PHYHIPL: variants seen among roughly 807,000 people sequenced by gnomAD.
PHYHIPL encodes the protein phytanoyl-CoA 2-hydroxylase interacting protein like, also known as phytanoyl-CoA hydroxylase-interacting protein-like.
In PHYHIPL, 9 loss-of-function variants were observed where a neutral mutation model predicts 33.4. The ratio of observed to expected loss-of-function variants is 0.27; its 90% CI spans 0.16 to 0.47. PHYHIPL has a LOEUF of 0.47. Among genes scored for constraint, PHYHIPL ranks in the 20% least tolerant of loss-of-function variants. The pLI is 0.99. For missense variants in PHYHIPL, 365 were observed against 460.7 expected, an observed-to-expected ratio of 0.79 and a Z score of 1.90; for synonymous variants, 153 against 154.1, an observed-to-expected ratio of 0.99 and a Z score of 0.05.
chr10:59,230,404 A>G (rs758751772), intron 1 of PHYHIPL, among the ~76,000 whole-genome samples: 13 of 151,750 alleles, frequency 8.6e-5, no homozygotes, highest in Non-Finnish European at 1.3e-4. Context: ...TTGTAGAAAC[A>G]GTGTTTCGCC....
chr10:59,206,784 C>A, intron 1 of PHYHIPL: 2 of 1,233,512 alleles, frequency 1.6e-6, no homozygotes, highest in Non-Finnish European at 2.1e-6. Flanking sequence ...TCCAAACAGA[C>A]AAGAAAAGGA....
intron 1 of PHYHIPL, among the ~76,000 whole-genome samples, chr10:59,184,309 A>G (rs1451586509): frequency 6.6e-6 from 1 of 152,222 alleles, no homozygotes; most frequent in Non-Finnish European, 1.5e-5. Context: ...CAGACCACAT[A>G]GCCCACAAAC....
chr10:59,219,404 T>A (rs998133808), intron 1 of PHYHIPL, among the ~76,000 whole-genome samples: 10 of 152,154 alleles, frequency 6.6e-5, no homozygotes, highest in African/African-American at 9.6e-5. Context: ...CAGGTAGGAA[T>A]AAATAAATTA....
intron 1 of PHYHIPL, among the ~76,000 whole-genome samples, chr10:59,226,314 A>T (rs946141335): frequency 6.6e-6 from 1 of 152,188 alleles, no homozygotes; most frequent in African/African-American, 2.4e-5. Context: ...GATGATATAC[A>T]TGGAGGACAG....
At chr10:59,239,354 C>T (rs1252824349) in intron 4 of PHYHIPL, among the ~76,000 whole-genome samples, 2 of 151,858 alleles carry the variant, frequency 1.3e-5, no homozygotes, top group East Asian at 1.9e-4. Context: ...GGAAACTCCC[C>T]TTTTAAAACC....
At chr10:59,229,511 AATAG>A (rs1207760777) in intron 1 of PHYHIPL, among the ~76,000 whole-genome samples, 3 of 152,292 alleles carry the variant, frequency 2.0e-5, no homozygotes, top group South Asian at 4.1e-4. Flanking sequence ...TCTACTACGG[AATAG>A]ATAATTTATA....
intron 1 of PHYHIPL, among the ~76,000 whole-genome samples, chr10:59,184,405 G>A (rs1173321844): frequency 6.6e-6 from 1 of 152,162 alleles, no homozygotes; most frequent in Admixed American, 6.5e-5. Context: ...AATCTCTCTT[G>A]ATAGGAGTAA....
chr10:59,187,934 A>G (rs965011054), intron 1 of PHYHIPL, among the ~76,000 whole-genome samples: 1 of 150,330 alleles, frequency 6.7e-6, no homozygotes, highest in Non-Finnish European at 1.5e-5. Flanking sequence ...ATTCATTGAT[A>G]TTTTGAAGGG....
At chr10:59,234,232 A>G (rs1840161558) in intron 1 of PHYHIPL, 72 bp from the exon 2 acceptor site, 1 of 1,203,650 alleles carries the variant, frequency 8.3e-7, no homozygotes, top group Non-Finnish European at 1.2e-6. Context: ...TTGGTAATAA[A>G]TCCATTAATT....
At chr10:59,235,348 G>T (rs1022331632) in intron 2 of PHYHIPL, among the ~76,000 whole-genome samples, 1 of 151,760 alleles carries the variant, frequency 6.6e-6, no homozygotes, top group Non-Finnish European at 1.5e-5. Flanking sequence ...TATCTATAGA[G>T]AAATTAACAG....
Position 59,238,596 on chromosome 10 carries a change from A to G in PHYHIPL, c.487A>G (p.Lys163Glu), listed in dbSNP as rs778021003. The stretch of plus-strand genomic sequence containing the variant: ...TTTTGGGTTTTTTCCAGACTATTCA[A>G]AAGTTCATCTAACACAATTGTTGGA... ...IIEFCTADYSKVHLTQLLEKA... is the reference protein window; with the variant it reads ...IIEFCTADYSEVHLTQLLEKA... Residue 163 changes from lysine (K) to glutamate (E), a missense_variant, in exon 4 of 5, where the codon AAA becomes GAA. Coordinates refer to ENST00000373880, the MANE Select transcript of PHYHIPL (RefSeq NM_032439.4). 1 of 1,604,302 alleles carries G rather than the reference A, an allele frequency of 6.2e-7. No individual in the cohort carries two copies. Among genetic ancestry groups the G allele is most frequent in the East Asian group, 2.2e-5 (1 of 44,704 alleles).
chr10:59,187,521 A>C (rs1296959008), intron 1 of PHYHIPL, among the ~76,000 whole-genome samples: 1 of 152,152 alleles, frequency 6.6e-6, no homozygotes, highest in Non-Finnish European at 1.5e-5. Context: ...TGTTGATGGA[A>C]ATAGTTTCAG....
chr10:59,224,069 C>A (rs1839852944), intron 1 of PHYHIPL, among the ~76,000 whole-genome samples: 1 of 152,120 alleles, frequency 6.6e-6, no homozygotes, highest in African/African-American at 2.4e-5. Context: ...TCTTCCAAGT[C>A]CATGGACTTT....
At chr10:59,191,751 T>C (rs749492807) in intron 1 of PHYHIPL, among the ~76,000 whole-genome samples, 2 of 152,030 alleles carry the variant, frequency 1.3e-5, no homozygotes, top group Non-Finnish European at 2.9e-5. Flanking sequence ...ACTTAATATA[T>C]CTTGAGTCAA....
intron 1 of PHYHIPL, among the ~76,000 whole-genome samples, chr10:59,199,175 T>C (rs1839019823): frequency 6.6e-6 from 1 of 152,172 alleles, no homozygotes; most frequent in Non-Finnish European, 1.5e-5. Context: ...TCTTCTAGGG[T>C]TTTTATGGTT....
intron 1 of PHYHIPL, among the ~76,000 whole-genome samples, chr10:59,213,075 G>T (rs984483895): frequency 6.6e-6 from 1 of 151,874 alleles, no homozygotes; most frequent in African/African-American, 2.4e-5. Flanking sequence ...TCTGTATATG[G>T]TTCCAAAATA....
At chr10:59,191,686 T>C (rs1838787839) in intron 1 of PHYHIPL, among the ~76,000 whole-genome samples, 1 of 151,974 alleles carries the variant, frequency 6.6e-6, no homozygotes, top group Admixed American at 6.6e-5. Context: ...TTGAACATAG[T>C]TGCCACTGTG....
At chr10:59,213,784 C>T (rs1162848802) in intron 1 of PHYHIPL, among the ~76,000 whole-genome samples, 1 of 152,156 alleles carries the variant, frequency 6.6e-6, no homozygotes, top group Non-Finnish European at 1.5e-5. Flanking sequence ...ACACCCACTA[C>T]AACATATCAG....
intron 1 of PHYHIPL, among the ~76,000 whole-genome samples, chr10:59,208,779 T>C (rs143489199): frequency 3.1e-4 from 47 of 152,028 alleles, no homozygotes; most frequent in Middle Eastern, 3.4e-3. Flanking sequence ...TTGTGAAGCA[T>C]ACACAAGTAT....
Sources: gnomAD v4.1 joint callset for allele counts (sites outside exome capture counted in the v4.1 genomes callset) on GRCh38, gnomAD v4.1.1 for gene constraint, MANE v1.5 for transcripts, NCBI Gene and HGNC (gene_info 2026-07-23, HGNC 2026-07-21) for gene names.